Variants in SLC1A4 observed in about 807,000 individuals in gnomAD.
The protein encoded by SLC1A4 is neutral amino acid transporter A.
A neutral mutation model predicts 37.7 loss-of-function variants in SLC1A4; 19 were observed. That is an observed-to-expected ratio of 0.50 (90% CI 0.35 to 0.74). SLC1A4 has a LOEUF of 0.74. Among genes scored for constraint, SLC1A4 ranks in the 30% least tolerant of loss-of-function variants. The pLI, the probability that SLC1A4 is intolerant of heterozygous loss-of-function variation, is 0.01. For missense variants in SLC1A4, 570 were observed against 712.9 expected (o/e 0.80, Z 2.28); for synonymous variants, 299 against 309.8 (o/e 0.97, Z 0.37).
At chr2:64,992,840 G>A (rs937466475) in intron 1 of SLC1A4, among the ~76,000 whole-genome samples, 18 of 152,276 alleles carry the variant, frequency 1.2e-4, no homozygotes, top group Middle Eastern at 3.4e-3. Flanking sequence ...TCCAGCCAGC[G>A]TGGAGGCTGA....
intron 4 of SLC1A4, among the ~76,000 whole-genome samples, chr2:65,015,860 A>G (rs1674106823): frequency 6.6e-6 from 1 of 152,224 alleles, no homozygotes; most frequent in Non-Finnish European, 1.5e-5. Flanking sequence ...CCCACAGTCC[A>G]TTCCTTCCCA....
chr2:64,995,237 G>A (rs373722297), intron 1 of SLC1A4, among the ~76,000 whole-genome samples: 4 of 152,320 alleles, frequency 2.6e-5, no homozygotes, highest in African/African-American at 9.6e-5. Flanking sequence ...CCAGCTCTAT[G>A]ACGTACTTGC....
intron 2 of SLC1A4, 116 bp downstream of exon 2, chr2:65,001,606 G>C (rs1673459881): frequency 2.3e-6 from 2 of 865,954 alleles, no homozygotes; most frequent in Non-Finnish European, 1.8e-6. Flanking sequence ...ACAAAACTTG[G>C]TAAGATTGGC....
At chr2:65,007,948 G>A (rs1470265504) in intron 3 of SLC1A4, among the ~76,000 whole-genome samples, 1 of 152,058 alleles carries the variant, frequency 6.6e-6, no homozygotes, top group Admixed American at 6.6e-5. Context: ...CTGTACATTT[G>A]TATCCATTAA....
At chr2:64,995,832 A>C (rs1673233504) in intron 1 of SLC1A4, among the ~76,000 whole-genome samples, 1 of 152,270 alleles carries the variant, frequency 6.6e-6, no homozygotes, top group African/African-American at 2.4e-5. Context: ...CATTCTTTTC[A>C]TATAGAACAG....
chr2:65,013,233 T>C (rs768043084), intron 4 of SLC1A4, among the ~76,000 whole-genome samples: 1 of 152,242 alleles, frequency 6.6e-6, no homozygotes, highest in Non-Finnish European at 1.5e-5. Context: ...TTGTTTTGTT[T>C]GTTTTTGAGA....
intron 3 of SLC1A4, among the ~76,000 whole-genome samples, chr2:65,004,385 G>T (rs1345082204): frequency 6.6e-6 from 1 of 151,946 alleles, no homozygotes; most frequent in African/African-American, 2.4e-5. Context: ...GAGTAGCTGG[G>T]ACTACAGACA....
intron 1 of SLC1A4, among the ~76,000 whole-genome samples, chr2:64,997,170 AC>A (rs1300566421): frequency 3.3e-5 from 5 of 152,166 alleles, no homozygotes; most frequent in African/African-American, 1.2e-4. Context: ...GCTTCAGCTC[AC>A]TGCCACCAGG....
chr2:65,007,273 TG>T (rs1226198856), intron 3 of SLC1A4, among the ~76,000 whole-genome samples: 69 of 69,624 alleles, frequency 9.9e-4, no homozygotes, highest in Non-Finnish European at 2.8e-3. Context: ...AGTGTGTTTG[TG>T]TGTGTGTGTG....
chr2:65,010,586 T>G lies in SLC1A4; in HGVS notation c.634-11T>G, dbSNP rs774635152. ...TGTTGTAAACTTGTTCTATCCTCTC[T>G]GATCCTGCAGATCCCCATAGGCACT... On this transcript the variant is annotated splice_polypyrimidine_tract_variant and intron_variant, in intron 3 of 7. Transcript: ENST00000234256. The G allele has an allele frequency of 1.3e-6, 2 of 1,594,828 alleles. No homozygotes were observed. The highest frequency in any genetic ancestry group is 4.5e-5 in the East Asian group (2 of 44,494).
chr2:65,002,141 G>A (rs1219325940), intron 2 of SLC1A4, among the ~76,000 whole-genome samples: 1 of 152,062 alleles, frequency 6.6e-6, no homozygotes, highest in Non-Finnish European at 1.5e-5. Context: ...TTAGCCAGGT[G>A]TGGTGGCGTG....
intron 2 of SLC1A4, among the ~76,000 whole-genome samples, chr2:65,002,280 A>AAAGTAAATAAATAAATAAAT (rs1673490126): frequency 6.9e-6 from 1 of 144,310 alleles, no homozygotes; most frequent in Non-Finnish European, 1.5e-5. Flanking sequence ...ACTCTATCTC[A>AAAGTAAATAAATAAATAAAT]AAATAAATAA....
At chr2:65,001,805 A>C (rs1191023638) in intron 2 of SLC1A4, among the ~76,000 whole-genome samples, 1 of 152,346 alleles carries the variant, frequency 6.6e-6, no homozygotes, top group Middle Eastern at 3.4e-3. Context: ...AAAAAAATAC[A>C]CTTTTATCTT....
intron 1 of SLC1A4, among the ~76,000 whole-genome samples, chr2:64,993,099 T>C (rs1038192787): frequency 6.6e-5 from 10 of 152,222 alleles, no homozygotes; most frequent in African/African-American, 2.4e-4. Flanking sequence ...GTGAATGAAA[T>C]GAGACTCTGC....
At position 65,017,980 on chromosome 2, in the gene SLC1A4, T is replaced by C. The variant is rs1055372755; in HGVS notation, c.1035-91T>C. On this transcript the variant is annotated intron_variant, in intron 5 of 7. Transcript: ENST00000234256. The stretch of plus-strand genomic sequence containing the variant: ...AGAAAGCCAGAAACGAAGATGGTGC[T>C]AATTGCTCTGTTCTGGGGTCTGAGA... The C allele has an allele frequency of 7.6e-6, 8 of 1,049,994 alleles. No individual in the cohort carries two copies. In the African/African-American group the frequency reaches 9.5e-5, roughly 13 times the overall value. 65.0% of individuals were successfully genotyped at this position (1,049,994 alleles called of 1,614,324 possible). A position where few individuals can be genotyped will look rare whatever the true frequency, so the allele number is the denominator to read the frequency against.
intron 1 of SLC1A4, among the ~76,000 whole-genome samples, chr2:64,998,419 CA>C (rs781241996): frequency 0.091 from 7,858 of 85,894 alleles, 224 homozygotes; most frequent in Non-Finnish European, 0.13. Flanking sequence ...ACTCTGTCTC[CA>C]AAAAAAAAAA....
Position 65,007,015 on chromosome 2 carries a change from C to T in SLC1A4, c.633+3000C>T, listed in dbSNP as rs375598671. 5.6e-4 allele frequency among the ~76,000 whole-genome samples: 85 copies of T among 152,308 alleles called. 1 individual carries two copies. The highest frequency in any genetic ancestry group is 1.5e-3 in the African/African-American group (61 of 41,576). ...ATCTTCCATGGCCACTTTGATCCCA[C>T]GTAATAACTTGCCACAGACACACTC... On this transcript the variant is annotated intron_variant, in intron 3 of 7. Transcript: ENST00000234256.
rs1159181023 is a variant in SLC1A4 at position 64,990,076 on chromosome 2, G to A, written c.433G>A (p.Ala145Thr). The stretch of plus-strand genomic sequence containing the variant: ...GTTCATCATCAAGCCAGGATCCGGT[G>A]CGCAGACCCTTCAGTCCAGCGACCT... The part of the protein sequence containing the change: ...LAFIIKPGSG[A>T]QTLQSSDLGL... Residue 145 changes from alanine to threonine, a missense_variant, in exon 1 of 8, where the codon GCG becomes ACG. Ala to Thr is a moderately conservative substitution (Grantham distance 58). Transcript: ENST00000234256. 2 of 1,608,812 alleles carry A rather than the reference G, an allele frequency of 1.2e-6. No individual in the cohort carries two copies. Among genetic ancestry groups the A allele is most frequent in the Non-Finnish European group, 1.7e-6 (2 of 1,177,898 alleles).
intron 2 of SLC1A4, among the ~76,000 whole-genome samples, chr2:65,003,238 C>G (rs1429792536): frequency 6.6e-6 from 1 of 152,202 alleles, no homozygotes; most frequent in Non-Finnish European, 1.5e-5. Context: ...CCTGACAGTT[C>G]AAGGACCAGG....
Sources: gnomAD v4.1 joint callset for allele counts (sites outside exome capture counted in the v4.1 genomes callset) on GRCh38, gnomAD v4.1.1 for gene constraint, MANE v1.5 for transcripts, NCBI Gene and HGNC (gene_info 2026-07-23, HGNC 2026-07-21) for gene names.